UCN3: variants seen among roughly 807,000 people sequenced by gnomAD.
UCN3 encodes urocortin-3.
In UCN3, 3 loss-of-function variants were observed where a neutral mutation model predicts 3.6. The observed-to-expected ratio is 0.83, with a 90% CI of 0.38 to 2.15. The LOEUF (loss-of-function observed/expected upper bound fraction) is 2.15, where lower values mean the gene tolerates loss of function less well. UCN3 is among the 30% of genes most tolerant of loss of function. The probability of loss-of-function intolerance (pLI) is 0.06; values close to 1 mark genes in which losing one functional copy is unlikely to be tolerated. For synonymous variants in UCN3, 100 were observed against 93.2 expected, an observed-to-expected ratio of 1.07 and a Z score of -0.42; for missense variants, 206 against 208.3, an observed-to-expected ratio of 0.99 and a Z score of 0.07.
In UCN3 at chr10:5,364,990, A is replaced by T. The variant is rs1390750565; in HGVS notation, c.-247A>T. Reference sequence around the variant, plus strand: ...TAAATGAAATCTCATCCCAGCGTAGACACCACGTCTGGAATTACGATCCAC... The same window carrying T: ...TAAATGAAATCTCATCCCAGCGTAGTCACCACGTCTGGAATTACGATCCAC... On this transcript the variant is annotated 5_prime_UTR_variant, in exon 1 of 2. Transcript: ENST00000380433. 6.6e-6 allele frequency: 1 copy of T among 152,158 alleles called. No homozygotes were observed. Among genetic ancestry groups the T allele is most frequent in the Admixed American group, 6.5e-5 (1 of 15,282 alleles). 9.4% of individuals were successfully genotyped at this position (152,158 alleles called of 1,614,324 possible).
At chr10:5,370,736 ATGTG>A (rs782338430) in intron 1 of UCN3, among the ~76,000 whole-genome samples, 1 of 90,920 alleles carries the variant, frequency 1.1e-5, no homozygotes, top group Non-Finnish European at 2.0e-5. Flanking sequence ...GCGTGTGTAT[ATGTG>A]TGTGTATATG....
intron 1 of UCN3, among the ~76,000 whole-genome samples, chr10:5,370,814 CGTGTGTGTGCGCGCGTGTGTGT>C (rs1375516400): frequency 4.4e-4 from 23 of 51,988 alleles, no homozygotes; most frequent in Non-Finnish European, 3.6e-4. Flanking sequence ...TGTGTGTGTG[CGTGTGTGTGCGCGCGTGTGTGT>C]GCGCGTGTGT....
At chr10:5,368,681 G>A (rs530620742) in intron 1 of UCN3, among the ~76,000 whole-genome samples, 19 of 152,220 alleles carry the variant, frequency 1.2e-4, no homozygotes, top group East Asian at 3.9e-4. Context: ...CAAGCCATTC[G>A]AAATAATTTC....
Position 5,374,419 on chromosome 10 carries a change from G to A in UCN3, c.*213G>A, listed in dbSNP as rs899903751. 8 of 568,654 alleles carry A rather than the reference G, an allele frequency of 1.4e-5. No homozygotes were observed. The South Asian group carries it at 1.7e-4, about 12-fold the overall frequency. 35.2% of individuals were successfully genotyped at this position (568,654 alleles called of 1,614,324 possible). On this transcript the variant is annotated 3_prime_UTR_variant, in exon 2 of 2. Coordinates refer to ENST00000380433, the MANE Select transcript of UCN3 (RefSeq NM_053049.4). ...CTGCTCTGTCTGTACACACAGAAGT[G>A]CAGTATTGTCCAACCTTCCCAGACA...
chr10:5,373,660 C>T, intron 1 of UCN3, 55 bp from the exon 2 acceptor site: 2 of 1,569,824 alleles, frequency 1.3e-6, no homozygotes, highest in Non-Finnish European at 1.7e-6. Context: ...TCCAGGTCCT[C>T]CAGAGCACCA....
intron 1 of UCN3, among the ~76,000 whole-genome samples, chr10:5,370,685 GTATGTGTGTA>G (rs1392097007): frequency 4.1e-5 from 3 of 72,814 alleles, no homozygotes; most frequent in Non-Finnish European, 8.1e-5. Flanking sequence ...ATGTGTGTGT[GTATGTGTGTA>G]TATGTGTGTG....
rs1183380279 is a variant in UCN3 at position 5,370,010 on chromosome 10, TGTGTGTATATGTGTGTGTATATGC to T, written c.-6-3693_-6-3670del. Among the ~76,000 whole-genome samples, 106 of 113,248 alleles carry T rather than the reference TGTGTGTATATGTGTGTGTATATGC, an allele frequency of 9.4e-4. 17 individuals carry two copies. Among genetic ancestry groups the T allele is most frequent in the Non-Finnish European group, 1.8e-3 (97 of 52,604 alleles). 74.3% of individuals were successfully genotyped at this position (113,248 alleles called of 152,430 possible). A position where few individuals can be genotyped will look rare whatever the true frequency, so the allele number is the denominator to read the frequency against. On this transcript the variant is annotated intron_variant, in intron 1 of 1. Coordinates refer to ENST00000380433, the MANE Select transcript of UCN3 (RefSeq NM_053049.4). ...ATATGTGTGTATGTGTGTGTGTATG[TGTGTGTATATGTGTGTGTATATGC>T]GTGTGTATATGCGTGTGTATGTGTG...
In UCN3 at chr10:5,370,156, TGTGTGTATATGTGTGTGTATATGC is replaced by T. The variant is rs1175552994; in HGVS notation, c.-6-3547_-6-3524del. On this transcript the variant is annotated intron_variant, in intron 1 of 1. Transcript: ENST00000380433. ...ATGTGTGTGTATGCGTGTGTATATGTGTGTGTATATGTGTGTGTATATGCGTGTGTATATGCGTGTGTATATGCG... is the reference window on the plus strand; with the variant it reads ...ATGTGTGTGTATGCGTGTGTATATGTGTGTGTATATGCGTGTGTATATGCG... Among the ~76,000 whole-genome samples, 23 of 46,636 alleles carry T rather than the reference TGTGTGTATATGTGTGTGTATATGC, an allele frequency of 4.9e-4. 1 individual carries two copies. The highest frequency in any genetic ancestry group is 8.4e-4 in the Non-Finnish European group (20 of 23,804). The allele number at this position is 46,636 out of a possible 152,430, so 30.6% of individuals were successfully genotyped here. A position where few individuals can be genotyped will look rare whatever the true frequency, so the allele number is the denominator to read the frequency against.
rs1554810685 is a variant in UCN3, at chr10:5,366,111, A to G, written c.-7+881A>G. 6.6e-6 allele frequency among the ~76,000 whole-genome samples: 1 copy of G among 152,222 alleles called. No homozygotes were observed. The highest frequency in any genetic ancestry group is 1.5e-5 in the Non-Finnish European group (1 of 68,038). Reference sequence around the variant, plus strand: ...ACAGGAATAGCTCTGCACTTGGCAGAGATGTGTGATCAGTACTGTTTGCCT... The same window carrying G: ...ACAGGAATAGCTCTGCACTTGGCAGGGATGTGTGATCAGTACTGTTTGCCT... On this transcript the variant is annotated intron_variant, in intron 1 of 1. Transcript: ENST00000380433. This position sits in a 1 kb window ranked among gnomAD's most constrained non-coding sequence, Gnocchi z 4.2.
At position 5,370,814 on chromosome 10, in the gene UCN3, C is replaced by T. The variant is rs1305772204; in HGVS notation, c.-6-2901C>T. On this transcript the variant is annotated intron_variant, in intron 1 of 1. Coordinates refer to ENST00000380433, the MANE Select transcript of UCN3 (RefSeq NM_053049.4). ...GTATGCGTGTGTATATGTGTGTGTG[C>T]GTGTGTGTGCGCGCGTGTGTGTGCG... 2.3e-3 allele frequency among the ~76,000 whole-genome samples: 117 copies of T among 51,772 alleles called. 2 individuals are homozygous for T. Among genetic ancestry groups the T allele is most frequent in the African/African-American group, 7.7e-3 (93 of 12,056 alleles). The allele number at this position is 51,772 out of a possible 152,430, so 34.0% of individuals were successfully genotyped here.
intron 1 of UCN3, among the ~76,000 whole-genome samples, chr10:5,370,090 C>CGTGTGTGTATGT (rs1182943947): frequency 7.8e-5 from 1 of 12,882 alleles, no homozygotes; most frequent in African/African-American, 2.7e-4. Flanking sequence ...TGTGTATATG[C>CGTGTGTGTATGT]GTGTGTATAT....
chr10:5,371,406 TTGTA>T (rs1480521309), intron 1 of UCN3, among the ~76,000 whole-genome samples: 3 of 151,850 alleles, frequency 2.0e-5, no homozygotes, highest in Non-Finnish European at 4.4e-5. Flanking sequence ...GTGTACCTGT[TTGTA>T]TGTGTGCTTG....
chr10:5,374,425 T>TC lies in UCN3; in HGVS notation c.*219_*220insC. The TC allele has an allele frequency of 1.8e-6, 1 of 549,688 alleles. No homozygotes were observed. Among genetic ancestry groups the TC allele is most frequent in the African/African-American group, 1.9e-5 (1 of 52,820 alleles). 34.1% of individuals were successfully genotyped at this position (549,688 alleles called of 1,614,324 possible). On this transcript the variant is annotated 3_prime_UTR_variant, in exon 2 of 2. Coordinates refer to ENST00000380433, the MANE Select transcript of UCN3 (RefSeq NM_053049.4). ...TGTCTGTACACACAGAAGTGCAGTA[T>TC]TGTCCAACCTTCCCAGACACAAAGC...
chr10:5,370,132 T>TGC lies in UCN3; in HGVS notation c.-6-3582_-6-3581insCG, dbSNP rs1491272591. ...GTATATGTGTGTGTATGTGTGTGTA[T>TGC]GTGTGTGTATGCGTGTGTATATGTG... On this transcript the variant is annotated intron_variant, in intron 1 of 1. Transcript: ENST00000380433. Among the ~76,000 whole-genome samples the TGC allele has an allele frequency of 7.3e-4, 54 of 73,874 alleles. 3 individuals are homozygous for TGC. The highest frequency in any genetic ancestry group is 1.1e-3 in the Non-Finnish European group (42 of 39,548). 48.5% of individuals were successfully genotyped at this position (73,874 alleles called of 152,430 possible).
Position 5,370,635 on chromosome 10 carries a change from GTGTGTGTATATGTGTGTGTA to G in UCN3, c.-6-3072_-6-3053del, listed in dbSNP as rs1831381522. ...TATATGCGTGTATATGCGTGTGTAT[GTGTGTGTATATGTGTGTGTA>G]TGTGTGTGTATGTGTGTGTATGTGT... On this transcript the variant is annotated intron_variant, in intron 1 of 1. Transcript: ENST00000380433. 4.3e-5 allele frequency among the ~76,000 whole-genome samples: 4 copies of G among 92,568 alleles called. 2 individuals carry two copies. The highest frequency in any genetic ancestry group is 8.2e-5 in the Non-Finnish European group (4 of 48,764). The allele number at this position is 92,568 out of a possible 152,430, so 60.7% of individuals were successfully genotyped here.
chr10:5,370,624 T>A (rs554205205), intron 1 of UCN3, among the ~76,000 whole-genome samples: 8 of 102,940 alleles, frequency 7.8e-5, no homozygotes, highest in Non-Finnish European at 1.2e-4. Context: ...TGCGTGTATA[T>A]GCGTGTGTAT....
At chr10:5,373,631 A>G (rs1831458373) in intron 1 of UCN3, 84 bp from the exon 2 acceptor site, 3 of 1,525,426 alleles carry the variant, frequency 2.0e-6, no homozygotes, top group African/African-American at 2.8e-5. Flanking sequence ...AACATTAACA[A>G]CACCCTAGTA....
Position 5,370,589 on chromosome 10 carries a change from A to ATG in UCN3, c.-6-3116_-6-3115dup, listed in dbSNP as rs137956980. Among the ~76,000 whole-genome samples, 10 of 79,360 alleles carry ATG rather than the reference A, an allele frequency of 1.3e-4. 1 individual carries two copies. Among genetic ancestry groups the ATG allele is most frequent in the East Asian group, 5.7e-4 (1 of 1,744 alleles). The allele number at this position is 79,360 out of a possible 152,430, so 52.1% of individuals were successfully genotyped here. A position where few individuals can be genotyped will look rare whatever the true frequency, so the allele number is the denominator to read the frequency against. On this transcript the variant is annotated intron_variant, in intron 1 of 1. Coordinates refer to ENST00000380433, the MANE Select transcript of UCN3 (RefSeq NM_053049.4). ...TGTATATGCGTGTATATGTGTGTAT[A>ATG]TGTGTGTGTGTATGCGTGTGTATAT...
chr10:5,369,821 G>A (rs1214953494), intron 1 of UCN3, among the ~76,000 whole-genome samples: 2 of 151,230 alleles, frequency 1.3e-5, no homozygotes, highest in Admixed American at 1.3e-4. Context: ...GAAGGAACAG[G>A]CTTTGACAGG....
Sources: gnomAD v4.1 joint callset for allele counts (sites outside exome capture counted in the v4.1 genomes callset) on GRCh38, gnomAD v4.1.1 for gene constraint, Gnocchi (gnomAD v3.1) non-coding constraint, MANE v1.5 for transcripts, NCBI Gene and HGNC (gene_info 2026-07-23, HGNC 2026-07-21) for gene names.